PPFIA2: variants seen among roughly 807,000 people sequenced by gnomAD.
The protein encoded by PPFIA2 is PPFI scaffold protein A2, also known as liprin-alpha-2.
PPFIA2 carries 46 observed loss-of-function variants against 175.5 expected under a neutral mutation model. The observed-to-expected ratio is 0.26, with a 90% CI of 0.21 to 0.34. PPFIA2 has a LOEUF of 0.34. PPFIA2 is among the 10% of genes least tolerant of loss of function. The pLI, the probability that PPFIA2 is intolerant of heterozygous loss-of-function variation, is 1.00. For synonymous variants in PPFIA2, 568 were observed against 511.4 expected (o/e 1.11, Z -1.49); for missense variants, 1,179 against 1,506.1 (o/e 0.78, Z 3.60).
chr12:81,449,206 C>T (rs1480063230), intron 5 of PPFIA2, among the ~76,000 whole-genome samples: 1 of 152,156 alleles, frequency 6.6e-6, no homozygotes, highest in African/African-American at 2.4e-5. Context: ...ACGATTAAGA[C>T]TGATGGAGAC....
intron 4 of PPFIA2, among the ~76,000 whole-genome samples, chr12:81,596,980 GCATTT>G (rs1567510375): frequency 6.6e-6 from 1 of 152,024 alleles, no homozygotes; most frequent in Non-Finnish European, 1.5e-5. Flanking sequence ...ATTCAGATGT[GCATTT>G]ATTTAGAGAT....
At chr12:81,578,508 TA>T (rs1460755248) in intron 4 of PPFIA2, among the ~76,000 whole-genome samples, 1 of 151,806 alleles carries the variant, frequency 6.6e-6, no homozygotes, top group Non-Finnish European at 1.5e-5. Context: ...ATCTCACTTT[TA>T]AAAAGAACTT....
rs995155191 is a variant in PPFIA2 at position 81,712,958 on chromosome 12, G to C, written c.250-36114C>G. ...GCTTGCTTTATTTTATAAGTTAACT[G>C]TTCTAAAGGCAAGGGCTGGAGCCTA... On this transcript the variant is annotated intron_variant, in intron 3 of 32. Transcript: ENST00000549396. Among the ~76,000 whole-genome samples the C allele has an allele frequency of 2.0e-5, 3 of 151,020 alleles. No individual in the cohort carries two copies. The Admixed American group carries it at 2.0e-4, about 10-fold the overall frequency.
At chr12:81,745,429 T>C (rs2082911490) in intron 3 of PPFIA2, among the ~76,000 whole-genome samples, 1 of 152,200 alleles carries the variant, frequency 6.6e-6, no homozygotes, top group African/African-American at 2.4e-5. Flanking sequence ...CAGTGGCATG[T>C]GGCTGACCCT....
At chr12:81,490,641 A>G (rs1027457222) in intron 4 of PPFIA2, among the ~76,000 whole-genome samples, 3 of 151,964 alleles carry the variant, frequency 2.0e-5, no homozygotes, top group Non-Finnish European at 4.4e-5. Flanking sequence ...GAGGAAAAGC[A>G]ACAACAAAAA....
At position 81,346,814 on chromosome 12, in the gene PPFIA2, T is replaced by C. The variant is rs751914982; in HGVS notation, c.2232+719A>G. 4.1e-4 allele frequency among the ~76,000 whole-genome samples: 63 copies of C among 152,148 alleles called. 1 individual carries two copies. Among genetic ancestry groups the C allele is most frequent in the Non-Finnish European group, 5.6e-4 (38 of 67,992 alleles). On this transcript the variant is annotated intron_variant, in intron 18 of 32. Transcript: ENST00000549396. ...ATTGAAGCAATTATAATACTAAGTTTTGTTACTTATTATGTTAAAAACACA... is the reference window on the plus strand; with the variant it reads ...ATTGAAGCAATTATAATACTAAGTTCTGTTACTTATTATGTTAAAAACACA...
chr12:81,612,636 G>A (rs1333876665), intron 4 of PPFIA2, among the ~76,000 whole-genome samples: 2 of 152,170 alleles, frequency 1.3e-5, no homozygotes, highest in Middle Eastern at 3.4e-3. Flanking sequence ...GGATATACAG[G>A]CAAGTGAACA....
intron 5 of PPFIA2, among the ~76,000 whole-genome samples, chr12:81,454,247 T>C (rs2053190334): frequency 1.3e-5 from 2 of 151,964 alleles, no homozygotes; most frequent in Admixed American, 1.3e-4. Flanking sequence ...AAAAATAAAT[T>C]TGAACAAACT....
At chr12:81,327,971 C>T (rs182780399) in intron 21 of PPFIA2, among the ~76,000 whole-genome samples, 31 of 151,986 alleles carry the variant, frequency 2.0e-4, no homozygotes, top group African/African-American at 5.5e-4. Context: ...ACAAATGGGA[C>T]GTAAGGCCAT....
At chr12:81,731,539 C>A (rs940171103) in intron 3 of PPFIA2, among the ~76,000 whole-genome samples, 1 of 151,608 alleles carries the variant, frequency 6.6e-6, no homozygotes, top group Admixed American at 6.6e-5. Context: ...GTGCTTATAT[C>A]TCACCATAAA....
chr12:81,386,132 AT>A (rs2038887310), intron 8 of PPFIA2, among the ~76,000 whole-genome samples: 1 of 151,188 alleles, frequency 6.6e-6, no homozygotes. Context: ...AAAAAAAAAA[AT>A]AGGGTGTGGT....
chr12:81,701,403 A>G (rs889504390), intron 3 of PPFIA2, among the ~76,000 whole-genome samples: 1 of 152,076 alleles, frequency 6.6e-6, no homozygotes. Flanking sequence ...AAACCACACA[A>G]TGTTGGAACA....
chr12:81,351,102 T>C, intron 17 of PPFIA2, among the ~76,000 whole-genome samples: 1 of 152,094 alleles, frequency 6.6e-6, no homozygotes, highest in Non-Finnish European at 1.5e-5. Context: ...AATAAAAGTA[T>C]CAGAGTGCCA....
intron 4 of PPFIA2, chr12:81,675,487 A>G (rs1010366088): frequency 2.6e-5 from 4 of 152,052 alleles, no homozygotes; most frequent in East Asian, 1.9e-4. Context: ...ATCAGTACTT[A>G]GCAGAAGACA....
At chr12:81,580,147 A>C (rs1191373242) in intron 4 of PPFIA2, among the ~76,000 whole-genome samples, 1 of 151,904 alleles carries the variant, frequency 6.6e-6, no homozygotes, top group Non-Finnish European at 1.5e-5. Flanking sequence ...TAATGATATT[A>C]ATAAAATAGT....
chr12:81,577,445 T>G (rs2073749704), intron 4 of PPFIA2, among the ~76,000 whole-genome samples: 1 of 151,900 alleles, frequency 6.6e-6, no homozygotes, highest in Non-Finnish European at 1.5e-5. Context: ...GAGCATTCAT[T>G]AAACCACCAT....
At chr12:81,416,026 T>C (rs2045189991) in intron 7 of PPFIA2, among the ~76,000 whole-genome samples, 1 of 151,732 alleles carries the variant, frequency 6.6e-6, no homozygotes, top group Admixed American at 6.6e-5. Flanking sequence ...ATTAGAGGCA[T>C]GTAAAAGGCT....
At chr12:81,301,808 C>G (rs2047923248) in intron 22 of PPFIA2, among the ~76,000 whole-genome samples, 1 of 152,148 alleles carries the variant, frequency 6.6e-6, no homozygotes, top group Non-Finnish European at 1.5e-5. Context: ...TACTTTAAAT[C>G]TTTACTCAAA....
At chr12:81,615,389 A>G (rs891315896) in intron 4 of PPFIA2, among the ~76,000 whole-genome samples, 1 of 152,224 alleles carries the variant, frequency 6.6e-6, no homozygotes, top group African/African-American at 2.4e-5. Flanking sequence ...CCACATTAGC[A>G]TATAGACTGA....
Sources: gnomAD v4.1 joint callset for allele counts (sites outside exome capture counted in the v4.1 genomes callset) on GRCh38, gnomAD v4.1.1 for gene constraint, MANE v1.5 for transcripts, NCBI Gene and HGNC (gene_info 2026-07-23, HGNC 2026-07-21) for gene names.